Variants in WIPF3 observed in about 807,000 individuals in gnomAD.
The protein encoded by WIPF3 is WAS/WASL-interacting protein family member 3.
Under a neutral mutation model 38.9 loss-of-function variants are expected in WIPF3, and 33 were observed. The ratio of observed to expected loss-of-function variants is 0.85; its 90% confidence interval spans 0.64 to 1.14. WIPF3 has a LOEUF of 1.14. WIPF3 is among the 50% of genes most tolerant of loss of function. The pLI is 0.00. For synonymous variants in WIPF3, 324 were observed against 269.3 expected, an observed-to-expected ratio of 1.20 and a Z score of -1.99; for missense variants, 711 against 652.5, an observed-to-expected ratio of 1.09 and a Z score of -0.98.
chr7:29,808,166 G>C (rs992016881), intron 1 of WIPF3, among the ~76,000 whole-genome samples: 8 of 152,166 alleles, frequency 5.3e-5, no homozygotes, highest in Admixed American at 1.3e-4. Flanking sequence ...CAGTGAAAAA[G>C]TAAATAAAAA....
Position 29,888,201 on chromosome 7 carries a change from A to T in WIPF3, c.1233A>T (p.Gly411=), listed in dbSNP as rs371649277. Residue 411 remains glycine (G), a synonymous_variant, in exon 6 of 9, where the codon GGA becomes GGT. Coordinates refer to ENST00000242140, the MANE Select transcript of WIPF3 (RefSeq NM_001080529.3). ...AGCCTGGAGGTCAACTGCGAAATGGAAGCCTGCACATCATTGGTAAGTGGG... is the reference window on the plus strand; with the variant it reads ...AGCCTGGAGGTCAACTGCGAAATGGTAGCCTGCACATCATTGGTAAGTGGG... The part of the protein sequence containing the change: ...TQQPGGQLRN[G]SLHIIDDFES... 1 of 1,610,176 alleles carries T rather than the reference A, an allele frequency of 6.2e-7. No individual in the cohort carries two copies. The highest frequency in any genetic ancestry group is 8.5e-7 in the Non-Finnish European group (1 of 1,178,234).
At chr7:29,811,121 A>T (rs973923345) in intron 1 of WIPF3, among the ~76,000 whole-genome samples, 1 of 151,974 alleles carries the variant, frequency 6.6e-6, no homozygotes, top group African/African-American at 2.4e-5. Flanking sequence ...AAACTCCTGG[A>T]TTTAAGCGAT....
chr7:29,888,510 C>CGTGTGT (rs1295673715), intron 6 of WIPF3, among the ~76,000 whole-genome samples: 19,194 of 147,780 alleles, frequency 0.13, 1,287 homozygotes, highest in Middle Eastern at 0.16. Context: ...CGTGTGTGTG[C>CGTGTGT]GTGTGTGTGT....
intron 2 of WIPF3, among the ~76,000 whole-genome samples, chr7:29,871,163 T>A (rs1252487682): frequency 6.6e-6 from 1 of 152,174 alleles, no homozygotes; most frequent in Admixed American, 6.5e-5. Flanking sequence ...GAAAGTTAGT[T>A]TTTTAAGCAA....
chr7:29,884,518 G>A lies in WIPF3; in HGVS notation c.1024G>A (p.Ala342Thr), dbSNP rs903066745. The part of the protein sequence containing the change: ...SFQAPPQKAG[A>T]QALPAPPAPP... Reference sequence around the variant, plus strand: ...CCAGGCCCCACCGCAGAAGGCCGGTGCGCAGGCCTTGCCCGCCCCGCCTGC... The same window carrying A: ...CCAGGCCCCACCGCAGAAGGCCGGTACGCAGGCCTTGCCCGCCCCGCCTGC... Residue 342 changes from alanine to threonine, a missense_variant, in exon 5 of 9, where the codon GCG becomes ACG. Transcript: ENST00000242140. 3.2e-5 allele frequency: 50 copies of A among 1,582,420 alleles called. No homozygotes were observed. Among genetic ancestry groups the A allele is most frequent in the Non-Finnish European group, 4.1e-5 (48 of 1,165,686 alleles).
At chr7:29,857,395 A>G (rs1296232050) in intron 2 of WIPF3, among the ~76,000 whole-genome samples, 2 of 152,116 alleles carry the variant, frequency 1.3e-5, no homozygotes, top group Non-Finnish European at 2.9e-5. Flanking sequence ...ATTATGCCCC[A>G]ACTCATTCCA....
intron 2 of WIPF3, among the ~76,000 whole-genome samples, chr7:29,835,414 T>C (rs1024040389): frequency 2.0e-5 from 3 of 152,186 alleles, no homozygotes; most frequent in African/African-American, 7.2e-5. Context: ...ACAGGGATTC[T>C]CAGCCTTGGC....
chr7:29,866,450 T>C (rs943370294), intron 2 of WIPF3, among the ~76,000 whole-genome samples: 6 of 152,228 alleles, frequency 3.9e-5, no homozygotes, highest in African/African-American at 1.4e-4. Flanking sequence ...GGCTGCTCCA[T>C]AAGAGGTTCT....
intron 8 of WIPF3, chr7:29,905,673 GAT>G (rs1370319332): frequency 1.3e-5 from 2 of 152,096 alleles, no homozygotes; most frequent in Non-Finnish European, 2.9e-5. Flanking sequence ...TCTGTTCTCT[GAT>G]TGGTTATTGC....
Position 29,884,298 on chromosome 7 carries a change from A to G in WIPF3, c.804A>G (p.Pro268=). ...PPIPPPLPLL[P]PCGYPGLKAE... is the part of the protein sequence containing the mutation. ...TCCCGCCCCCGCTCCCTCTGCTCCC[A>G]CCTTGTGGGTATCCGGGGCTCAAAG... The change falls in exon 5 of 9, where the codon CCA becomes CCG. Residue 268 remains proline (P), a synonymous_variant. Coordinates refer to ENST00000242140, the MANE Select transcript of WIPF3 (RefSeq NM_001080529.3). 1.3e-6 allele frequency: 1 copy of G among 746,106 alleles called. No individual in the cohort carries two copies. The highest frequency in any genetic ancestry group is 1.7e-6 in the Non-Finnish European group (1 of 603,972). 46.2% of individuals were successfully genotyped at this position (746,106 alleles called of 1,614,324 possible). A position where few individuals can be genotyped will look rare whatever the true frequency, so the allele number is the denominator to read the frequency against.
chr7:29,840,352 C>A (rs1451833295), intron 2 of WIPF3, among the ~76,000 whole-genome samples: 3 of 152,234 alleles, frequency 2.0e-5, no homozygotes, highest in Non-Finnish European at 4.4e-5. Flanking sequence ...AAAGGCTCTA[C>A]ACAGTCATCC....
At position 29,884,264 on chromosome 7, in the gene WIPF3, T is replaced by TGGCCCCC; in HGVS notation, c.770_771insGGCCCCC (p.Pro258AlafsTer62). On this transcript the variant is annotated frameshift_variant, in exon 5 of 9. Coordinates refer to ENST00000242140, the MANE Select transcript of WIPF3 (RefSeq NM_001080529.3). LOFTEE classifies it high-confidence loss of function. Reference sequence around the variant, plus strand: ...AAGCCTCAGCTGGCTCCCTTGCACCTCCCGCCCATCCCGCCCCCGCTCCCT... The same window carrying TGGCCCCC: ...AAGCCTCAGCTGGCTCCCTTGCACCTGGCCCCCCCCGCCCATCCCGCCCCCGCTCCCT... 174 of 1,315,144 alleles carry TGGCCCCC rather than the reference T, an allele frequency of 1.3e-4. No individual in the cohort carries two copies. Among genetic ancestry groups the TGGCCCCC allele is most frequent in the Middle Eastern group, 2.4e-4 (1 of 4,248 alleles). The allele number at this position is 1,315,144 out of a possible 1,614,324, so 81.5% of individuals were successfully genotyped here. A position where few individuals can be genotyped will look rare whatever the true frequency, so the allele number is the denominator to read the frequency against.
chr7:29,880,114 A>T (rs1785685365), intron 4 of WIPF3, among the ~76,000 whole-genome samples: 2 of 152,190 alleles, frequency 1.3e-5, no homozygotes. Context: ...AAAATATTGC[A>T]TTAAAATTGA....
chr7:29,890,834 C>CT (rs1451453347), intron 7 of WIPF3, among the ~76,000 whole-genome samples: 1 of 134,970 alleles, frequency 7.4e-6, no homozygotes, highest in African/African-American at 2.9e-5. Flanking sequence ...CAGACCTGCC[C>CT]TGTGCTCAGG....
At chr7:29,849,372 T>C (rs1785054748) in intron 2 of WIPF3, among the ~76,000 whole-genome samples, 1 of 152,196 alleles carries the variant, frequency 6.6e-6, no homozygotes, top group Non-Finnish European at 1.5e-5. Context: ...ACACCAGATA[T>C]CAAACAATAT....
chr7:29,883,929 C>A lies in WIPF3; in HGVS notation c.435C>A (p.Ile145=), dbSNP rs984561314. Residue 145 remains isoleucine (I), a synonymous_variant, in exon 5 of 9, where the codon ATC becomes ATA. Coordinates refer to ENST00000242140, the MANE Select transcript of WIPF3 (RefSeq NM_001080529.3). ...ACAAAACCATCAGCGGCCCGCTTATCCCGCCTGCCTCTCCCAGGCTAGGCA... is the reference window on the plus strand; with the variant it reads ...ACAAAACCATCAGCGGCCCGCTTATACCGCCTGCCTCTCCCAGGCTAGGCA... ...LPNKTISGPL[I]PPASPRLGNT... 1 of 1,581,514 alleles carries A rather than the reference C, an allele frequency of 6.3e-7. No individual in the cohort carries two copies. The highest frequency in any genetic ancestry group is 8.6e-7 in the Non-Finnish European group (1 of 1,163,880).
chr7:29,844,875 G>A lies in WIPF3; in HGVS notation c.90+10061G>A, dbSNP rs773572039. 2.8e-4 allele frequency among the ~76,000 whole-genome samples: 42 copies of A among 152,140 alleles called. No individual in the cohort carries two copies. The highest frequency in any genetic ancestry group is 9.4e-4 in the African/African-American group (39 of 41,436). On this transcript the variant is annotated intron_variant, in intron 2 of 8. Transcript: ENST00000242140. This position sits in a 1 kb window ranked among gnomAD's most constrained non-coding sequence, Gnocchi z 4.8. Reference sequence around the variant, plus strand: ...ACGGCTCCCGGCTGTGCTCTGAAGCGCTAAACCAAAAGCCCTTCGATGCAG... The same window carrying A: ...ACGGCTCCCGGCTGTGCTCTGAAGCACTAAACCAAAAGCCCTTCGATGCAG...
intron 7 of WIPF3, among the ~76,000 whole-genome samples, chr7:29,896,016 T>G (rs958120514): frequency 4.6e-5 from 7 of 151,882 alleles, no homozygotes; most frequent in Admixed American, 2.6e-4. Flanking sequence ...AAGAGGCAAA[T>G]CCACAGAGAC....
chr7:29,860,264 A>T (rs1303513497), intron 2 of WIPF3, among the ~76,000 whole-genome samples: 1 of 152,086 alleles, frequency 6.6e-6, no homozygotes, highest in African/African-American at 2.4e-5. Context: ...TATAGTTTGG[A>T]TACTTGTCTC....
Sources: allele counts gnomAD v4.1 joint callset (sites outside exome capture counted in the v4.1 genomes callset), GRCh38; gene constraint gnomAD v4.1.1; non-coding constraint Gnocchi (gnomAD v3.1); transcripts MANE v1.5; gene names NCBI Gene and HGNC (gene_info 2026-07-23, HGNC 2026-07-21).